MDN1: variants seen among roughly 807,000 people sequenced by gnomAD.
MDN1 encodes midasin.
Under a neutral mutation model 669.2 loss-of-function variants are expected in MDN1, and 266 were observed. The ratio of observed to expected loss-of-function variants is 0.40; its 90% CI spans 0.36 to 0.44. The LOEUF (loss-of-function observed/expected upper bound fraction) is 0.44, where lower values mean the gene tolerates loss of function less well. MDN1 is among the 20% of genes least tolerant of loss of function. The pLI, the probability that MDN1 is intolerant of heterozygous loss-of-function variation, is 1.00. For missense variants in MDN1, 5,940 were observed against 6,754.0 expected (o/e 0.88, Z 4.22); for synonymous variants, 2,385 against 2,457.1 (o/e 0.97, Z 0.87).
At chr6:89,780,157 G>T in intron 11 of MDN1, 55 bp downstream of exon 11, 1 of 954,166 alleles carries the variant, frequency 1.0e-6, no homozygotes, top group Non-Finnish European at 1.6e-6. Flanking sequence ...AATAACAACG[G>T]AAGTCAACAG....
intron 80 of MDN1, 109 bp from the exon 81 acceptor site, chr6:89,672,811 G>A: frequency 8.3e-7 from 1 of 1,205,910 alleles, no homozygotes; most frequent in Non-Finnish European, 1.1e-6. Context: ...GAGCCACTGT[G>A]TCAAGCTGTG....
rs116360466 is a variant in MDN1 at position 89,648,037 on chromosome 6, C to T, written c.16390G>A (p.Ala5464Thr). ...CKFQQKKTKI[A>T]QFLESVANMF... ...ATTTTATTTCATCCTCTTACCTGAG[C>T]AATCTTGGTTTTCTTTTGTTGGAAT... Residue 5464 changes from alanine (A) to threonine (T), a missense_variant, in exon 99 of 102, where the codon GCT (alanine) becomes ACT (threonine). Around this residue, in one of 5 missense-constraint regions of MDN1, gnomAD observed 2,280 missense variants for 2,576.3 expected, o/e 0.88. Transcript: ENST00000369393. 6.2e-7 allele frequency: 1 copy of T among 1,609,236 alleles called. No individual in the cohort carries two copies. Among genetic ancestry groups the T allele is most frequent in the African/African-American group, 1.3e-5 (1 of 74,936 alleles).
chr6:89,781,126 T>G (rs1274484335), intron 10 of MDN1: 1 of 431,276 alleles, frequency 2.3e-6, no homozygotes. Flanking sequence ...AGTTGGTCTT[T>G]AAAAGTTATT....
intron 1 of MDN1, among the ~76,000 whole-genome samples, chr6:89,806,594 T>C (rs1337982356): frequency 1.3e-5 from 2 of 152,016 alleles, no homozygotes; most frequent in Non-Finnish European, 2.9e-5. Flanking sequence ...GGTGTGTGTC[T>C]GTAATCCCAG....
chr6:89,803,689 C>T, intron 1 of MDN1, 135 bp from the exon 2 acceptor site: 1 of 672,722 alleles, frequency 1.5e-6, no homozygotes, highest in Non-Finnish European at 2.5e-6. Context: ...TCATGCCATT[C>T]TCCTGCCCGA....
At position 89,661,325 on chromosome 6, in the gene MDN1, G is replaced by A. The variant is rs7760723; in HGVS notation, c.14713+106C>T. ...CAGACTGGGATTGAGCCTACCAAAC[G>A]TGATTTATCACCTGGCCATGACACT... On this transcript the variant is annotated intron_variant, in intron 88 of 101. Transcript: ENST00000369393. 3,557 of 1,306,418 alleles carry A rather than the reference G, an allele frequency of 2.7e-3. 83 individuals are homozygous for A. In the African/African-American group the frequency reaches 0.047, roughly 17 times the overall value. 80.9% of individuals were successfully genotyped at this position (1,306,418 alleles called of 1,614,324 possible).
chr6:89,746,929 T>C (rs1378159440), intron 27 of MDN1, among the ~76,000 whole-genome samples: 2 of 152,188 alleles, frequency 1.3e-5, no homozygotes, highest in Non-Finnish European at 2.9e-5. Flanking sequence ...GGTTATATAA[T>C]TTTTTTCTCT....
chr6:89,706,728 T>C (rs774882936), intron 52 of MDN1, among the ~76,000 whole-genome samples: 7 of 151,966 alleles, frequency 4.6e-5, no homozygotes, highest in Non-Finnish European at 1.5e-5. Flanking sequence ...CACGGAAAAA[T>C]GCAGATTATA....
In MDN1 at chr6:89,784,519, C is replaced by T. The variant is rs187736248; in HGVS notation, c.1449+493G>A. Among the ~76,000 whole-genome samples, 24 of 152,062 alleles carry T rather than the reference C, an allele frequency of 1.6e-4. No homozygotes were observed. The East Asian group carries it at 3.7e-3, about 23-fold the overall frequency. On this transcript the variant is annotated intron_variant, in intron 9 of 101. Transcript: ENST00000369393. The stretch of plus-strand genomic sequence containing the variant: ...ACATAAAAGGGAAGTGGGGCATGAA[C>T]GGAGTCAAGTGTAATATACTTCTTA...
At chr6:89,656,893 C>G (rs1481985596) in intron 90 of MDN1, 92 bp from the exon 91 acceptor site, 2 of 1,065,186 alleles carry the variant, frequency 1.9e-6, no homozygotes, top group Non-Finnish European at 2.8e-6. Context: ...TCTCTCACTG[C>G]TGTCCTTTAT....
Position 89,750,400 on chromosome 6 carries a change from A to G in MDN1, c.3360T>C (p.Ile1120=). The G allele has an allele frequency of 6.2e-7, 1 of 1,613,872 alleles. No homozygotes were observed. The highest frequency in any genetic ancestry group is 8.5e-7 in the Non-Finnish European group (1 of 1,179,768). Residue 1120 remains isoleucine (I), a synonymous_variant, in exon 24 of 102, where the codon ATT becomes ATC. Transcript: ENST00000369393. ...CTGAGGAGTCAGACGTGTAACAACC[A>G]ATGTACTCCTGAATATCCGTGTGTT... is the stretch of plus-strand genomic sequence containing the variant. ...NHEHTDIQEY[I]GCYTSDSSGK... is the part of the protein sequence containing the mutation.
intron 71 of MDN1, 98 bp from the exon 72 acceptor site, chr6:89,684,002 T>C (rs745646887): frequency 1.1e-6 from 1 of 889,684 alleles, no homozygotes. Context: ...GCTCACTCTA[T>C]CCCAAACACA....
rs1462722515 is a variant in MDN1, at chr6:89,724,371, C to T, written c.5671-752G>A. ...GATCTCAGCTCACTGCAACCTCCGC[C>T]TCCCGGGTTCAAGAGATTCTGCTGC... On this transcript the variant is annotated intron_variant, in intron 38 of 101. Transcript: ENST00000369393. Among the ~76,000 whole-genome samples the T allele has an allele frequency of 3.3e-5, 5 of 152,116 alleles. No homozygotes were observed. In the East Asian group the frequency reaches 7.8e-4, roughly 24 times the overall value.
chr6:89,748,422 G>A (rs555365721), intron 26 of MDN1, among the ~76,000 whole-genome samples: 1 of 152,228 alleles, frequency 6.6e-6, no homozygotes, highest in Admixed American at 6.5e-5. Flanking sequence ...ATTATTATTA[G>A]CTTTCTAAAA....
At chr6:89,656,552 G>T in intron 91 of MDN1, 148 bp downstream of exon 91, 2 of 666,942 alleles carry the variant, frequency 3.0e-6, no homozygotes, top group South Asian at 2.0e-5. Context: ...GTCGTGGTCT[G>T]CTCACCAAGG....
rs1393043537 is a variant in MDN1 at position 89,781,398 on chromosome 6, C to T, written c.1643+1G>A. On this transcript the variant is annotated splice_donor_variant, in intron 10 of 101. Coordinates refer to ENST00000369393, the MANE Select transcript of MDN1 (RefSeq NM_014611.3). LOFTEE classifies it high-confidence loss of function. ...AAAGAAAAAACTGTTTAGTCCAGTA[C>T]CTTAGAGATAATTCTCTTCCCTCAA... The T allele has an allele frequency of 6.2e-7, 1 of 1,612,844 alleles. No homozygotes were observed. The highest frequency in any genetic ancestry group is 2.2e-5 in the East Asian group (1 of 44,866).
In MDN1 at chr6:89,642,632, A is replaced by G. The variant is rs1186904111; in HGVS notation, c.*1373T>C. 1 of 152,234 alleles carries G rather than the reference A, an allele frequency of 6.6e-6. No homozygotes were observed. The highest frequency in any genetic ancestry group is 1.9e-4 in the East Asian group (1 of 5,194). The allele number at this position is 152,234 out of a possible 1,614,324, so 9.4% of individuals were successfully genotyped here. On this transcript the variant is annotated 3_prime_UTR_variant, in exon 102 of 102. Transcript: ENST00000369393. ...CATAAATGCAAATGATAACCTTTGT[A>G]GTAAGAGCAACATGGAAGTAGGAGG... is the stretch of plus-strand genomic sequence containing the variant.
At chr6:89,754,625 G>T (rs774370737) in intron 20 of MDN1, among the ~76,000 whole-genome samples, 1 of 152,190 alleles carries the variant, frequency 6.6e-6, no homozygotes, top group African/African-American at 2.4e-5. Context: ...GTTTTGAAAG[G>T]CTACGAATAT....
chr6:89,776,819 G>A, intron 11 of MDN1, 124 bp from the exon 12 acceptor site: 1 of 667,986 alleles, frequency 1.5e-6, no homozygotes, highest in Non-Finnish European at 2.4e-6. Context: ...CTCTAAAAAT[G>A]AAGGGAGTGC....
Sources: gnomAD v4.1 joint callset for allele counts (sites outside exome capture counted in the v4.1 genomes callset) on GRCh38, gnomAD v4.1.1 for gene constraint, gnomAD v4.1.1 regional missense constraint, MANE v1.5 for transcripts, NCBI Gene and HGNC (gene_info 2026-07-23, HGNC 2026-07-21) for gene names.